CIROP: variants seen among roughly 807,000 people sequenced by gnomAD.
The protein encoded by CIROP is ciliated left-right organizer metallopeptidase, also known as leishmanolysin homolog.
At chr14:23,103,436 C>CCTAG in the CIROP span, 10 of 455,404 alleles carry the variant, frequency 2.2e-5, no homozygotes, top group Non-Finnish European at 3.5e-5. Flanking sequence ...TGCCTGTAAT[C>CCTAG]CTAGCTACTC....
At chr14:23,104,105 G>A in the CIROP span, 1 of 589,820 alleles carries the variant, frequency 1.7e-6, no homozygotes, top group East Asian at 2.8e-5. Flanking sequence ...TGAGAGGTGA[G>A]CCTGCTCAGG....
the CIROP span, chr14:23,104,305 G>A: frequency 8.6e-6 from 6 of 693,892 alleles, no homozygotes; most frequent in Admixed American, 4.0e-5. Flanking sequence ...CTATAAGAAT[G>A]AAGATCTGTA....
the CIROP span, chr14:23,102,883 C>T: frequency 1.6e-6 from 1 of 610,926 alleles, no homozygotes; most frequent in South Asian, 1.9e-5. Flanking sequence ...GCCCCCTACC[C>T]TGCAACCTGT....
At chr14:23,104,730 A>T in the CIROP span, 1 of 702,838 alleles carries the variant, frequency 1.4e-6, no homozygotes, top group Non-Finnish European at 2.6e-6. Context: ...GCAGCTTTGG[A>T]TTCGTAGGGG....
At chr14:23,103,515 CT>C in the CIROP span, 2 of 582,032 alleles carry the variant, frequency 3.4e-6, no homozygotes, top group Non-Finnish European at 3.1e-6. Flanking sequence ...GATTGGGCCG[CT>C]GTACTCCAGC....
chr14:23,102,293 G>T, the CIROP span: 1 of 702,644 alleles, frequency 1.4e-6, no homozygotes, highest in Non-Finnish European at 2.6e-6. Context: ...ATGGCTGGTT[G>T]TTAGCTGGCT....
At chr14:23,102,663 G>A in the CIROP span, 5 of 702,914 alleles carry the variant, frequency 7.1e-6, no homozygotes, top group African/African-American at 7.0e-5. Context: ...GCCATTTCTT[G>A]AAGAGCTGTC....
the CIROP span, chr14:23,102,912 C>T: frequency 5.3e-3 from 3,190 of 604,740 alleles, 20 homozygotes; most frequent in Non-Finnish European, 6.8e-3. Flanking sequence ...CCCTATTCAT[C>T]ATGCAGCAGT....
the CIROP span, chr14:23,102,620 C>T: frequency 7.1e-6 from 5 of 702,942 alleles, no homozygotes; most frequent in Non-Finnish European, 1.3e-5. Context: ...CCTCATTCCT[C>T]TCATTTACCA....
the CIROP span, chr14:23,104,829 G>A: frequency 1.3e-3 from 907 of 702,970 alleles, 3 homozygotes; most frequent in Non-Finnish European, 1.9e-3. Flanking sequence ...AAGGCTCACA[G>A]ACTTCTGTGT....
the CIROP span, chr14:23,101,133 C>T: frequency 0.19 from 78,263 of 401,720 alleles, 7,846 homozygotes; most frequent in South Asian, 0.25. Context: ...TCAAGTCTTC[C>T]TTCTAAGGAA....
At chr14:23,099,547 G>A in the CIROP span, 1 of 403,574 alleles carries the variant, frequency 2.5e-6, no homozygotes, top group Non-Finnish European at 4.5e-6. Flanking sequence ...AGTAGATAAA[G>A]CGGCATTACC....
the CIROP span, chr14:23,099,367 GTGGCTCTTTTC>G: frequency 2.4e-6 from 1 of 413,468 alleles, no homozygotes; most frequent in East Asian, 3.6e-5. Flanking sequence ...CACAGGAAGA[GTGGCTCTTTTC>G]TGGTAGGCTG....
chr14:23,099,683 C>T, the CIROP span: 1 of 361,090 alleles, frequency 2.8e-6, no homozygotes, highest in Non-Finnish European at 5.1e-6. Flanking sequence ...CCTCAACCTT[C>T]CGAATAGCTG....
the CIROP span, chr14:23,101,737 C>G: frequency 1.4e-6 from 1 of 702,944 alleles, no homozygotes; most frequent in Admixed American, 2.0e-5. Context: ...CTTCCCTTGT[C>G]CAGGTGCAGG....
chr14:23,103,896 A>T, the CIROP span: 2 of 648,530 alleles, frequency 3.1e-6, no homozygotes, highest in Non-Finnish European at 5.6e-6. Flanking sequence ...GGGGAGAATG[A>T]ATCTCTTTGG....
the CIROP span, chr14:23,101,018 T>C: frequency 0.2 from 77,850 of 398,950 alleles, 7,804 homozygotes; most frequent in South Asian, 0.25. Context: ...AGCATTGATA[T>C]CTTCATTAGT....
chr14:23,104,831 C>T, the CIROP span: 2 of 702,792 alleles, frequency 2.8e-6, no homozygotes, highest in Non-Finnish European at 5.2e-6. Context: ...GGCTCACAGA[C>T]TTCTGTGTCT....
At chr14:23,104,458 G>C in the CIROP span, 1 of 703,020 alleles carries the variant, frequency 1.4e-6, no homozygotes, top group Non-Finnish European at 2.6e-6. Flanking sequence ...CTCAGAAGCA[G>C]GGGTCCTTGC....
Sources: allele counts gnomAD v4.1 joint callset, GRCh38; gene constraint gnomAD v4.1.1; transcripts MANE v1.5; gene names NCBI Gene and HGNC (gene_info 2026-07-23, HGNC 2026-07-21).